Variants in UCHL3 observed in about 807,000 individuals in gnomAD.
UCHL3 encodes the protein ubiquitin carboxyl-terminal hydrolase isozyme L3.
In UCHL3, 22 loss-of-function variants were observed where a neutral mutation model predicts 35.8. The observed-to-expected ratio is 0.61, with a 90% CI of 0.44 to 0.88. The LOEUF is 0.88. Ranked by LOEUF, UCHL3 falls within the 40% of genes least tolerant of loss-of-function variation. The pLI, the probability that UCHL3 is intolerant of heterozygous loss-of-function variation, is 0.00. For missense variants in UCHL3, 229 were observed against 276.9 expected, an observed-to-expected ratio of 0.83 and a Z score of 1.23; for synonymous variants, 90 against 92.8, an observed-to-expected ratio of 0.97 and a Z score of 0.17.
chr13:75,570,347 T>C (rs2031815430), intron 6 of UCHL3, among the ~76,000 whole-genome samples: 1 of 152,126 alleles, frequency 6.6e-6, no homozygotes. Flanking sequence ...TCCATTCTCC[T>C]GCCTCAGCCT....
intron 6 of UCHL3, chr13:75,590,130 G>T: frequency 7.7e-7 from 1 of 1,300,638 alleles, no homozygotes; most frequent in Non-Finnish European, 1.0e-6. Context: ...CCATTCTGTT[G>T]TAAGTTTAGT....
Position 75,604,821 on chromosome 13 carries a change from AT to A in UCHL3, c.605del (p.Leu202Ter). On this transcript the variant is annotated frameshift_variant, in exon 8 of 9. Transcript: ENST00000377595. LOFTEE classifies it high-confidence loss of function. The part of the protein sequence containing the change: ...NHGETSDETL[L>X]EDAIEVCKKF... ...ATGGTGAAACTAGTGATGAAACTTT[AT>A]TAGAGGTAACAGTAACACTTGTTGG... is the stretch of plus-strand genomic sequence containing the variant. 6.3e-7 allele frequency: 1 copy of A among 1,598,134 alleles called. No homozygotes were observed. The highest frequency in any genetic ancestry group is 8.5e-7 in the Non-Finnish European group (1 of 1,172,540).
At chr13:75,558,267 C>G (rs1404665727) in intron 2 of UCHL3, among the ~76,000 whole-genome samples, 1 of 152,188 alleles carries the variant, frequency 6.6e-6, no homozygotes, top group Non-Finnish European at 1.5e-5. Context: ...ATTATGTCCT[C>G]AGTTTGATAC....
At chr13:75,563,909 G>A (rs1239165326) in intron 3 of UCHL3, among the ~76,000 whole-genome samples, 1 of 135,088 alleles carries the variant, frequency 7.4e-6, no homozygotes, top group Non-Finnish European at 1.6e-5. Context: ...TTTTAAAGCC[G>A]AATAATATTT....
At chr13:75,574,661 G>T (rs1432361927) in intron 6 of UCHL3, among the ~76,000 whole-genome samples, 1 of 152,088 alleles carries the variant, frequency 6.6e-6, no homozygotes, top group Non-Finnish European at 1.5e-5. Context: ...CATTTAATGG[G>T]CATTCAATAA....
chr13:75,571,976 C>CTGTGT (rs2031872338), intron 6 of UCHL3, among the ~76,000 whole-genome samples: 1 of 143,054 alleles, frequency 7.0e-6, no homozygotes, highest in African/African-American at 2.7e-5. Flanking sequence ...TTTCCTAACC[C>CTGTGT]TGTCTTGTCT....
intron 7 of UCHL3, among the ~76,000 whole-genome samples, chr13:75,595,766 G>A (rs1206033957): frequency 2.1e-5 from 3 of 145,318 alleles, no homozygotes; most frequent in African/African-American, 7.6e-5. Context: ...TAGTTACTTG[G>A]TATTTTGGCT....
At chr13:75,570,528 G>T (rs941169762) in intron 6 of UCHL3, among the ~76,000 whole-genome samples, 2 of 151,988 alleles carry the variant, frequency 1.3e-5, no homozygotes, top group Non-Finnish European at 2.9e-5. Context: ...GAGCCACCTC[G>T]CCCAGCCGAA....
Position 75,560,805 on chromosome 13 carries a change from G to A in UCHL3, c.107G>A (p.Gly36Glu), listed in dbSNP as rs1442254657. The A allele has an allele frequency of 4.4e-6, 7 of 1,598,426 alleles. No individual in the cohort carries two copies. Among genetic ancestry groups the A allele is most frequent in the Non-Finnish European group, 6.0e-6 (7 of 1,174,914 alleles). ...HPNWQFVDVYGMDPELLSMVP... is the reference protein window; with the variant it reads ...HPNWQFVDVYEMDPELLSMVP... ...AACTGGCAATTCGTTGATGTATATGGAATGGATCCTGAACTCCTTAGCATG... is the reference window on the plus strand; with the variant it reads ...AACTGGCAATTCGTTGATGTATATGAAATGGATCCTGAACTCCTTAGCATG... Residue 36 changes from glycine (G) to glutamate (E), a missense_variant, in exon 3 of 9, where the codon GGA becomes GAA. By Grantham distance (98) the Gly-to-Glu change is moderately conservative. Transcript: ENST00000377595.
At chr13:75,590,272 A>G (rs1354727919) in intron 6 of UCHL3, 1 of 1,181,750 alleles carries the variant, frequency 8.5e-7, no homozygotes, top group East Asian at 5.8e-5. Flanking sequence ...GATTGCAAGC[A>G]TATCTCTATG....
At chr13:75,592,439 T>TATATATATATATGTATATACATATATAC (rs2032517387) in intron 6 of UCHL3, among the ~76,000 whole-genome samples, 1 of 102,748 alleles carries the variant, frequency 9.7e-6, no homozygotes, top group Non-Finnish European at 2.0e-5. Context: ...TATATATATA[T>TATATATATATATGTATATACATATATAC]ATATATATAT....
In UCHL3 at chr13:75,592,439, T is replaced by TACAC. The variant is rs1566228024; in HGVS notation, c.475-2475_475-2474insCACA. 1.9e-4 allele frequency among the ~76,000 whole-genome samples: 20 copies of TACAC among 102,760 alleles called. 2 individuals are homozygous for TACAC. Among genetic ancestry groups the TACAC allele is most frequent in the East Asian group, 9.6e-4 (3 of 3,114 alleles). The allele number at this position is 102,760 out of a possible 152,430, so 67.4% of individuals were successfully genotyped here. ...TCATATATATATATATATATATATATATATATATATATATATATATATATA... is the reference window on the plus strand; with the variant it reads ...TCATATATATATATATATATATATATACACATATATATATATATATATATATATA... On this transcript the variant is annotated intron_variant, in intron 6 of 8. Coordinates refer to ENST00000377595, the MANE Select transcript of UCHL3 (RefSeq NM_006002.5).
chr13:75,574,087 G>A (rs889327353), intron 6 of UCHL3, among the ~76,000 whole-genome samples: 6 of 151,960 alleles, frequency 3.9e-5, no homozygotes, highest in African/African-American at 7.3e-5. Flanking sequence ...GTGTGGTGGC[G>A]GGTGCCTGTA....
chr13:75,560,734 T>A lies in UCHL3; in HGVS notation c.55-19T>A, dbSNP rs767900733. ...AACTAATGTTCCATTGTTTTTTTTT[T>A]CTTTCTTTCTTTTACCAGTTTCTTA... On this transcript the variant is annotated intron_variant, in intron 2 of 8. Transcript: ENST00000377595. 133 of 1,579,900 alleles carry A rather than the reference T, an allele frequency of 8.4e-5. 1 individual carries two copies. Among genetic ancestry groups the A allele is most frequent in the Middle Eastern group, 1.7e-4 (1 of 5,848 alleles).
At chr13:75,569,436 T>A (rs2296146) in intron 5 of UCHL3, 24 bp from the exon 6 acceptor site, 2 of 1,569,300 alleles carry the variant, frequency 1.3e-6, no homozygotes, top group Non-Finnish European at 1.7e-6. Flanking sequence ...TTTTTTCCAA[T>A]GAATACCTTT....
chr13:75,592,894 A>G (rs1268260680), intron 6 of UCHL3, among the ~76,000 whole-genome samples: 1 of 152,172 alleles, frequency 6.6e-6, no homozygotes, highest in Non-Finnish European at 1.5e-5. Flanking sequence ...TAAGGTTTAT[A>G]TAACACTTAA....
At chr13:75,597,776 G>T (rs1237783030) in intron 7 of UCHL3, among the ~76,000 whole-genome samples, 1 of 152,168 alleles carries the variant, frequency 6.6e-6, no homozygotes, top group Admixed American at 6.5e-5. Context: ...AAGGCTGTAT[G>T]ATTGTAGACA....
chr13:75,594,483 T>C lies in UCHL3; in HGVS notation c.475-432T>C, dbSNP rs541517630. ...ACATCTCTTTTGACATCTTAAAATT[T>C]AACTCGAAAAGAGTTTCTTTAAGCT... On this transcript the variant is annotated intron_variant, in intron 6 of 8. Transcript: ENST00000377595. Among the ~76,000 whole-genome samples, 4 of 152,362 alleles carry C rather than the reference T, an allele frequency of 2.6e-5. No individual in the cohort carries two copies. The East Asian group carries it at 7.7e-4, about 29-fold the overall frequency.
At chr13:75,563,151 G>GTATGTATGTATGTATA (rs1463918397) in intron 3 of UCHL3, among the ~76,000 whole-genome samples, 4 of 146,576 alleles carry the variant, frequency 2.7e-5, no homozygotes, top group African/African-American at 7.3e-5. Flanking sequence ...ATGTATGTAT[G>GTATGTATGTATGTATA]TATGTATGTA....
Sources: gnomAD v4.1 joint callset for allele counts (sites outside exome capture counted in the v4.1 genomes callset) on GRCh38, gnomAD v4.1.1 for gene constraint, MANE v1.5 for transcripts, NCBI Gene and HGNC (gene_info 2026-07-23, HGNC 2026-07-21) for gene names.